ACCSL: variants seen among roughly 807,000 people sequenced by gnomAD.
ACCSL encodes the protein probable inactive 1-aminocyclopropane-1-carboxylate synthase-like protein 2.
A neutral mutation model predicts 61.7 loss-of-function variants in ACCSL; 55 were observed. The observed-to-expected ratio is 0.89, with a 90% CI of 0.72 to 1.12. The LOEUF is 1.12. ACCSL is among the 50% of genes most tolerant of loss of function. ACCSL has a pLI of 0.00. For missense variants in ACCSL, 632 were observed against 698.0 expected, an observed-to-expected ratio of 0.91 and a Z score of 1.07; for synonymous variants, 258 against 264.3, an observed-to-expected ratio of 0.98 and a Z score of 0.23.
the ACCSL span, among the ~76,000 whole-genome samples, chr11:43,932,843 G>T: frequency 1.3e-5 from 2 of 152,360 alleles, no homozygotes; most frequent in South Asian, 4.1e-4. Context: ...GAACTCGGAA[G>T]CGGTTCCTTC....
chr11:44,015,835 T>G, the ACCSL span, among the ~76,000 whole-genome samples: 2 of 152,200 alleles, frequency 1.3e-5, no homozygotes, highest in Non-Finnish European at 2.9e-5. Flanking sequence ...AGTTTTCATA[T>G]CTGTAAAATG....
At chr11:44,037,871 GCATCCATCCATC>G in the ACCSL span, among the ~76,000 whole-genome samples, 17 of 149,280 alleles carry the variant, frequency 1.1e-4, no homozygotes, top group Admixed American at 2.0e-4. Flanking sequence ...ATCCATCCAT[GCATCCATCCATC>G]CATCCATCCA....
chr11:44,053,440 C>T lies in ACCSL; in HGVS notation c.983C>T (p.Pro328Leu), dbSNP rs1264980998. The stretch of plus-strand genomic sequence containing the variant: ...GTCCGAGGCCTTGTGCTAATCAACC[C>T]TCAGAATCCTCTGGGTGACATCTAC... ...KKVRGLVLIN[P>L]QNPLGDIYSP... Residue 328 changes from proline (P) to leucine (L), a missense_variant, in exon 8 of 14, where the codon CCT becomes CTT. Transcript: ENST00000378832. The T allele has an allele frequency of 6.2e-7, 1 of 1,614,150 alleles. No individual in the cohort carries two copies. Among genetic ancestry groups the T allele is most frequent in the South Asian group, 1.1e-5 (1 of 91,084 alleles).
chr11:44,036,860 C>T, the ACCSL span, among the ~76,000 whole-genome samples: 1 of 151,800 alleles, frequency 6.6e-6, no homozygotes, highest in African/African-American at 2.4e-5. Flanking sequence ...CTCTACCTCT[C>T]TCTGGACCAC....
chr11:44,049,657 T>C (rs775405701), intron 1 of ACCSL, among the ~76,000 whole-genome samples: 1 of 151,992 alleles, frequency 6.6e-6, no homozygotes, highest in Non-Finnish European at 1.5e-5. Flanking sequence ...GGATTAAGGG[T>C]CCAGGCTCAG....
chr11:43,926,990 GC>G, the ACCSL span, among the ~76,000 whole-genome samples: 2 of 152,186 alleles, frequency 1.3e-5, no homozygotes, highest in Non-Finnish European at 2.9e-5. Flanking sequence ...CAAGCGATCC[GC>G]CCCCCATCGG....
chr11:43,994,626 GTAT>G, the ACCSL span, among the ~76,000 whole-genome samples: 85,927 of 149,932 alleles, frequency 0.57, 25,645 homozygotes, highest in African/African-American at 0.76. Context: ...TACTAAATAT[GTAT>G]TATTATTATT....
the ACCSL span, among the ~76,000 whole-genome samples, chr11:44,038,845 C>T: frequency 3.9e-5 from 6 of 152,186 alleles, no homozygotes; most frequent in East Asian, 7.7e-4. Flanking sequence ...CCCAACCTCT[C>T]CCTTTTCCTT....
chr11:44,054,888 T>C (rs548096376), intron 8 of ACCSL, among the ~76,000 whole-genome samples: 1 of 152,310 alleles, frequency 6.6e-6, no homozygotes, highest in East Asian at 1.9e-4. Context: ...CCTCTTCCCA[T>C]AGTCTCTGCT....
chr11:44,003,890 C>A, the ACCSL span, among the ~76,000 whole-genome samples: 35 of 152,222 alleles, frequency 2.3e-4, no homozygotes, highest in African/African-American at 7.9e-4. Flanking sequence ...ATAGGGGGTA[C>A]CTCACTTGGA....
At chr11:44,055,722 G>A (rs16937806) in intron 9 of ACCSL, among the ~76,000 whole-genome samples, 4,298 of 152,330 alleles carry the variant, frequency 0.028, 209 homozygotes, top group African/African-American at 0.098. Context: ...ACTCGGGCAC[G>A]TTCTAGAAAT....
the ACCSL span, among the ~76,000 whole-genome samples, chr11:43,929,753 C>T: frequency 6.6e-6 from 1 of 152,166 alleles, no homozygotes; most frequent in Admixed American, 6.5e-5. Context: ...CTACATGGCT[C>T]AGGCTGGTTT....
At chr11:44,046,233 C>G (rs926997985), upstream of ACCSL, among the ~76,000 whole-genome samples, 1 of 152,208 alleles carries the variant, frequency 6.6e-6, no homozygotes, top group African/African-American at 2.4e-5. Flanking sequence ...CAATTTCTTT[C>G]TCATCAGTAT....
the ACCSL span, among the ~76,000 whole-genome samples, chr11:43,986,722 G>A: frequency 6.6e-6 from 1 of 152,148 alleles, no homozygotes; most frequent in Non-Finnish European, 1.5e-5. Context: ...TCCACCAAAG[G>A]CATCTCAACG....
chr11:44,020,814 GT>G, the ACCSL span, among the ~76,000 whole-genome samples: 1 of 151,420 alleles, frequency 6.6e-6, no homozygotes, highest in East Asian at 1.9e-4. Flanking sequence ...AAAGTCCATT[GT>G]ATCATTCTTA....
the ACCSL span, among the ~76,000 whole-genome samples, chr11:43,936,972 C>T: frequency 2.6e-5 from 4 of 152,268 alleles, no homozygotes; most frequent in South Asian, 8.3e-4. Flanking sequence ...GGGACCTCTG[C>T]TATGAAGCAC....
the ACCSL span, among the ~76,000 whole-genome samples, chr11:43,939,943 C>T: frequency 6.6e-6 from 1 of 151,728 alleles, no homozygotes; most frequent in East Asian, 2.0e-4. Flanking sequence ...CCCACAGCTC[C>T]CATCTAATCT....
chr11:43,934,396 G>A, the ACCSL span, among the ~76,000 whole-genome samples: 5 of 152,250 alleles, frequency 3.3e-5, no homozygotes, highest in South Asian at 2.1e-4. Flanking sequence ...TCAGTCTCTC[G>A]CCTGCTAGAG....
chr11:44,010,221 T>A, the ACCSL span, among the ~76,000 whole-genome samples: 4 of 152,056 alleles, frequency 2.6e-5, no homozygotes, highest in Non-Finnish European at 4.4e-5. Context: ...ATGCCTGTAA[T>A]CCCAGCTACT....
Sources: gnomAD v4.1 joint callset for allele counts (sites outside exome capture counted in the v4.1 genomes callset) on GRCh38, gnomAD v4.1.1 for gene constraint, MANE v1.5 for transcripts, NCBI Gene and HGNC (gene_info 2026-07-23, HGNC 2026-07-21) for gene names.